Variants in UNC93A observed in about 807,000 individuals in gnomAD.
The protein encoded by UNC93A is unc-93 homolog A, also known as N-acetylglucosamine transporter UNC93A.
Under a neutral mutation model 47.5 loss-of-function variants are expected in UNC93A, and 43 were observed. That is an observed-to-expected ratio of 0.91 (90% CI 0.71 to 1.17). The LOEUF is 1.17. Ranked by LOEUF, UNC93A falls within the 50% of genes most tolerant of loss-of-function variation. The pLI, the probability that UNC93A is intolerant of heterozygous loss-of-function variation, is 0.00. For missense variants in UNC93A, 605 were observed against 577.6 expected (o/e 1.05, Z -0.49); for synonymous variants, 280 against 258.0 (o/e 1.09, Z -0.82).
At chr6:167,276,557 C>A (rs1783546505) in intron 1 of UNC93A, among the ~76,000 whole-genome samples, 1 of 152,136 alleles carries the variant, frequency 6.6e-6, no homozygotes, top group Admixed American at 6.5e-5. Flanking sequence ...GTTTAGGTGA[C>A]CTGCTCGAGG....
chr6:167,293,667 C>T (rs955567034), intron 1 of UNC93A, among the ~76,000 whole-genome samples: 2 of 152,198 alleles, frequency 1.3e-5, no homozygotes, highest in Non-Finnish European at 2.9e-5. Flanking sequence ...AGCTCAGCAG[C>T]CCCAGTGAGA....
rs79087897 is a variant in UNC93A at position 167,308,031 on chromosome 6, G to A, written c.1108+121G>A. The A allele has an allele frequency of 1.1e-3, 1,470 of 1,386,074 alleles. 19 individuals are homozygous for A. In the African/African-American group the frequency reaches 0.019, roughly 18 times the overall value. 85.9% of individuals were successfully genotyped at this position (1,386,074 alleles called of 1,614,324 possible). A position where few individuals can be genotyped will look rare whatever the true frequency, so the allele number is the denominator to read the frequency against. ...CCAAGAGAGATGAGTTGGGAGAGACGGGAGGGCCAAGAGGGCTTTGATGTC... is the reference window on the plus strand; with the variant it reads ...CCAAGAGAGATGAGTTGGGAGAGACAGGAGGGCCAAGAGGGCTTTGATGTC... On this transcript the variant is annotated intron_variant, in intron 7 of 7. Transcript: ENST00000230256.
At chr6:167,296,380 T>G in intron 3 of UNC93A, 119 bp downstream of exon 3, 1 of 1,083,390 alleles carries the variant, frequency 9.2e-7, no homozygotes. Flanking sequence ...AGCAGGTGAG[T>G]CAGGCCCCAC....
Position 167,305,937 on chromosome 6 carries a change from G to A in UNC93A, c.863G>A (p.Gly288Asp), listed in dbSNP as rs35724955. Reference sequence around the variant, plus strand: ...CAGTCCTATGTCACCTGCACCCTGGGCATCCAGTTCGTCGGCTACGTGATG... The same window carrying A: ...CAGTCCTATGTCACCTGCACCCTGGACATCCAGTTCGTCGGCTACGTGATG... Reference protein sequence around the residue: ...YTRSYVTCTLGIQFVGYVMIC... With the variant: ...YTRSYVTCTLDIQFVGYVMIC... The change falls in exon 6 of 8, where the codon GGC (glycine) becomes GAC (aspartate). Residue 288 changes from glycine to aspartate, a missense_variant. Coordinates refer to ENST00000230256, the MANE Select transcript of UNC93A (RefSeq NM_018974.4). 8.1e-6 allele frequency: 13 copies of A among 1,614,046 alleles called. No individual in the cohort carries two copies. The African/African-American group carries it at 1.7e-4, about 22-fold the overall frequency.
At chr6:167,297,863 A>G (rs1778131726) in intron 3 of UNC93A, 82 bp from the exon 4 acceptor site, 1 of 1,551,666 alleles carries the variant, frequency 6.4e-7, no homozygotes, top group Non-Finnish European at 8.7e-7. Context: ...TGTCCTTTCC[A>G]CTGTCACTTT....
chr6:167,277,801 G>A (rs1388410970), intron 1 of UNC93A, among the ~76,000 whole-genome samples: 4 of 151,312 alleles, frequency 2.6e-5, no homozygotes, highest in Non-Finnish European at 5.9e-5. Flanking sequence ...CTCTGTCTCT[G>A]TGTCTCTGTC....
At position 167,308,033 on chromosome 6, in the gene UNC93A, G is replaced by A. The variant is rs2115172523; in HGVS notation, c.1108+123G>A. ...AAGAGAGATGAGTTGGGAGAGACGG[G>A]AGGGCCAAGAGGGCTTTGATGTCGC... On this transcript the variant is annotated intron_variant, in intron 7 of 7. Transcript: ENST00000230256. The A allele has an allele frequency of 3.1e-6, 4 of 1,298,514 alleles. No individual in the cohort carries two copies. In the South Asian group the frequency reaches 4.5e-5, roughly 15 times the overall value. 80.4% of individuals were successfully genotyped at this position (1,298,514 alleles called of 1,614,324 possible). A position where few individuals can be genotyped will look rare whatever the true frequency, so the allele number is the denominator to read the frequency against.
At chr6:167,282,743 T>A (rs555107934) in intron 1 of UNC93A, among the ~76,000 whole-genome samples, 18 of 152,302 alleles carry the variant, frequency 1.2e-4, no homozygotes, top group Non-Finnish European at 1.5e-4. Context: ...CCTGAGAACA[T>A]GTGCCCAAGG....
chr6:167,286,081 A>G (rs206993), intron 1 of UNC93A, among the ~76,000 whole-genome samples: 3,582 of 146,586 alleles, frequency 0.024, 162 homozygotes, highest in African/African-American at 0.086. Flanking sequence ...GAATATATAT[A>G]CATATCTTAT....
chr6:167,280,069 C>T (rs908394481), intron 1 of UNC93A, among the ~76,000 whole-genome samples: 2 of 152,200 alleles, frequency 1.3e-5, no homozygotes, highest in Non-Finnish European at 2.9e-5. Flanking sequence ...TTTACTTCCT[C>T]TTTAGTTCCT....
At chr6:167,300,339 G>T (rs1267795491) in intron 4 of UNC93A, among the ~76,000 whole-genome samples, 1 of 152,196 alleles carries the variant, frequency 6.6e-6, no homozygotes, top group Non-Finnish European at 1.5e-5. Flanking sequence ...CTGAGGGCCA[G>T]GCAGACAACT....
intron 6 of UNC93A, 45 bp from the exon 7 acceptor site, chr6:167,307,734 G>T (rs1422912458): frequency 3.8e-6 from 6 of 1,572,808 alleles, no homozygotes; most frequent in Non-Finnish European, 5.2e-6. Flanking sequence ...TCCAGGCCAT[G>T]ATGATGGCCC....
Position 167,294,663 on chromosome 6 carries a change from C to A in UNC93A, c.234C>A (p.Tyr78Ter), listed in dbSNP as rs752923109. The change falls in exon 2 of 8, where the codon TAC (tyrosine) becomes TAA (stop). Residue 78 changes from tyrosine (Y) to a stop codon, truncating the protein, a stop_gained. Coordinates refer to ENST00000230256, the MANE Select transcript of UNC93A (RefSeq NM_018974.4). LOFTEE classifies it high-confidence loss of function. ...KGTIILSMCG[Y>*]VAFSVGNFFA... is the part of the protein sequence containing the mutation. ...CCATCATCCTCTCCATGTGTGGCTA[C>A]GTGGCCTTCTCCGTGGGCAACTTCT... The A allele has an allele frequency of 3.7e-6, 6 of 1,605,932 alleles. No individual in the cohort carries two copies. The highest frequency in any genetic ancestry group is 5.1e-6 in the Non-Finnish European group (6 of 1,173,630).
chr6:167,306,049 G>T lies in UNC93A; in HGVS notation c.975G>T (p.Leu325=). ...CGGGCAGGGCTGTGCTGTACGTGCT[G>T]GGTAGGTATCAGCGTGGGTCCCATC... ...QYTGRAVLYV[L]GAVTHVSCMI... The change falls in exon 6 of 8, where the codon CTG becomes CTT. Residue 325 remains leucine (L), a splice_region_variant and synonymous_variant. Transcript: ENST00000230256. 1 of 1,614,102 alleles carries T rather than the reference G, an allele frequency of 6.2e-7. No individual in the cohort carries two copies. Among genetic ancestry groups the T allele is most frequent in the African/African-American group, 1.3e-5 (1 of 75,044 alleles).
At chr6:167,287,665 G>A (rs988159364), upstream of UNC93A, among the ~76,000 whole-genome samples, 1 of 150,622 alleles carries the variant, frequency 6.6e-6, no homozygotes, top group African/African-American at 2.5e-5. Context: ...AAGGACCTAC[G>A]AACTTGGAAA....
intron 1 of UNC93A, among the ~76,000 whole-genome samples, chr6:167,282,250 G>T (rs909226998): frequency 3.9e-5 from 6 of 152,220 alleles, no homozygotes; most frequent in Admixed American, 3.9e-4. Context: ...GGGTCTAGAG[G>T]TTCTACTCTC....
intron 1 of UNC93A, among the ~76,000 whole-genome samples, chr6:167,276,010 A>G (rs182503603): frequency 6.7e-6 from 1 of 149,898 alleles, no homozygotes; most frequent in Non-Finnish European, 1.5e-5. Context: ...TCCAGCCTCT[A>G]GTATCCTCCA....
At chr6:167,311,501 C>G (rs1022098861) in intron 7 of UNC93A, among the ~76,000 whole-genome samples, 6 of 152,204 alleles carry the variant, frequency 3.9e-5, no homozygotes, top group African/African-American at 1.4e-4. Flanking sequence ...CCCGCCAATG[C>G]GCTGCCATGA....
rs141934534 is a variant in UNC93A, at chr6:167,310,486, C to T, written c.1108+2576C>T. Among the ~76,000 whole-genome samples the T allele has an allele frequency of 9.6e-3, 1,460 of 152,356 alleles. 3 individuals carry two copies. The highest frequency in any genetic ancestry group is 0.033 in the African/African-American group (1,373 of 41,580). ...AACAAAGAGTATCAACGTCCAAGTC[C>T]GGTGAATGACTGGAATAAAGACTCC... On this transcript the variant is annotated intron_variant, in intron 7 of 7. Transcript: ENST00000230256.
Sources: gnomAD v4.1 joint callset for allele counts (sites outside exome capture counted in the v4.1 genomes callset) on GRCh38, gnomAD v4.1.1 for gene constraint, MANE v1.5 for transcripts, NCBI Gene and HGNC (gene_info 2026-07-23, HGNC 2026-07-21) for gene names.